SPMIP2: variants seen among roughly 807,000 people sequenced by gnomAD.
The protein encoded by SPMIP2 is protein SPMIP2.
At chr4:159,066,343 A>T in the SPMIP2 span, among the ~76,000 whole-genome samples, 3 of 152,060 alleles carry the variant, frequency 2.0e-5, no homozygotes, top group African/African-American at 4.8e-5. Flanking sequence ...CTGGTGCCAC[A>T]GGGAAATATG....
At chr4:159,061,505 A>G in the SPMIP2 span, among the ~76,000 whole-genome samples, 1 of 152,006 alleles carries the variant, frequency 6.6e-6, no homozygotes, top group Non-Finnish European at 1.5e-5. Context: ...TAAAGAAGTG[A>G]ACACTTAAAA....
chr4:159,062,639 A>G, the SPMIP2 span, among the ~76,000 whole-genome samples: 1 of 148,328 alleles, frequency 6.7e-6, no homozygotes, highest in African/African-American at 2.5e-5. Flanking sequence ...CCTGTCTACA[A>G]TGTTGATCTG....
chr4:159,028,074 C>G, the SPMIP2 span, among the ~76,000 whole-genome samples: 2 of 152,174 alleles, frequency 1.3e-5, no homozygotes, highest in South Asian at 4.2e-4. Context: ...CATAAATACC[C>G]CATATAAACA....
chr4:159,050,065 C>T, the SPMIP2 span, among the ~76,000 whole-genome samples: 3 of 152,232 alleles, frequency 2.0e-5, no homozygotes, highest in Admixed American at 1.3e-4. Flanking sequence ...AACACATATT[C>T]TCTGGCCCTG....
At chr4:158,946,208 T>C in the SPMIP2 span, among the ~76,000 whole-genome samples, 1 of 152,228 alleles carries the variant, frequency 6.6e-6, no homozygotes, top group East Asian at 1.9e-4. Context: ...CATCAAGTAA[T>C]AGATTAGTAA....
the SPMIP2 span, chr4:159,026,368 C>CA: frequency 2.8e-5 from 21 of 754,072 alleles, no homozygotes; most frequent in Non-Finnish European, 4.9e-5. Context: ...CAAAAAAACT[C>CA]AGACTCTCTA....
chr4:159,006,151 A>G, the SPMIP2 span, among the ~76,000 whole-genome samples: 3 of 152,348 alleles, frequency 2.0e-5, no homozygotes, highest in Admixed American at 6.5e-5. Context: ...TGTTGGTCTG[A>G]AGTTTACAAA....
chr4:158,949,325 G>A, the SPMIP2 span, among the ~76,000 whole-genome samples: 74 of 152,180 alleles, frequency 4.9e-4, no homozygotes, highest in African/African-American at 1.7e-3. Context: ...TCCTGTCTTG[G>A]GTGATAAATT....
the SPMIP2 span, among the ~76,000 whole-genome samples, chr4:158,974,551 T>C: frequency 1.3e-5 from 2 of 151,890 alleles, no homozygotes; most frequent in African/African-American, 4.8e-5. Flanking sequence ...AGGGAGGACA[T>C]GCAGTGTTTG....
the SPMIP2 span, among the ~76,000 whole-genome samples, chr4:159,059,554 G>T: frequency 6.6e-6 from 1 of 151,722 alleles, no homozygotes; most frequent in Admixed American, 6.6e-5. Flanking sequence ...TTAATTTTTT[G>T]TAGAGACAGG....
the SPMIP2 span, among the ~76,000 whole-genome samples, chr4:159,047,770 C>A: frequency 2.0e-4 from 30 of 152,302 alleles, no homozygotes; most frequent in African/African-American, 6.3e-4. Context: ...TATGGAGAGC[C>A]CTGCCTCTGG....
the SPMIP2 span, among the ~76,000 whole-genome samples, chr4:159,077,210 G>A: frequency 1.3e-5 from 2 of 151,186 alleles, no homozygotes; most frequent in South Asian, 2.1e-4. Flanking sequence ...GTGCGGTCTC[G>A]GCTCACCACA....
chr4:158,915,504 T>C, the SPMIP2 span: 8 of 705,072 alleles, frequency 1.1e-5, no homozygotes, highest in Non-Finnish European at 1.9e-5. Context: ...ACCTGACCCA[T>C]CCTGGGAAGT....
the SPMIP2 span, among the ~76,000 whole-genome samples, chr4:159,052,239 T>A: frequency 6.6e-6 from 1 of 152,130 alleles, no homozygotes; most frequent in Non-Finnish European, 1.5e-5. Context: ...AATATCAAAA[T>A]ATCAGGCCTT....
chr4:159,063,385 G>A, the SPMIP2 span, among the ~76,000 whole-genome samples: 2 of 151,676 alleles, frequency 1.3e-5, no homozygotes, highest in African/African-American at 2.4e-5. Flanking sequence ...ATGGTGAAAC[G>A]CCTTCTCTAT....
chr4:159,064,173 T>G, the SPMIP2 span: 16 of 152,318 alleles, frequency 1.1e-4, no homozygotes, highest in Admixed American at 7.8e-4. Context: ...ATGGCGCCAC[T>G]GCACTCCAGC....
chr4:159,020,928 AT>A, the SPMIP2 span, among the ~76,000 whole-genome samples: 1 of 151,902 alleles, frequency 6.6e-6, no homozygotes, highest in African/African-American at 2.4e-5. Flanking sequence ...CGCCCGGCTA[AT>A]TTTTTGTATT....
the SPMIP2 span, among the ~76,000 whole-genome samples, chr4:158,908,849 G>A: frequency 2.0e-5 from 3 of 152,212 alleles, no homozygotes; most frequent in East Asian, 5.8e-4. Flanking sequence ...ACCACAACTG[G>A]CCAATTTTTT....
the SPMIP2 span, among the ~76,000 whole-genome samples, chr4:158,999,004 A>T: frequency 1.4e-4 from 21 of 152,056 alleles, no homozygotes; most frequent in Middle Eastern, 3.4e-3. Context: ...TACAAAAAAA[A>T]TTTTTTTTAA....
Sources: gnomAD v4.1 joint callset for allele counts (sites outside exome capture counted in the v4.1 genomes callset) on GRCh38, gnomAD v4.1.1 for gene constraint, MANE v1.5 for transcripts, NCBI Gene and HGNC (gene_info 2026-07-23, HGNC 2026-07-21) for gene names.